The following ANO4 variants were observed in gnomAD, a reference collection of about 807,000 sequenced individuals.
ANO4 encodes the protein anoctamin 4.
Under a neutral mutation model 141.9 loss-of-function variants are expected in ANO4, and 69 were observed. The ratio of observed to expected loss-of-function variants is 0.49; its 90% CI spans 0.40 to 0.59. The LOEUF (loss-of-function observed/expected upper bound fraction) is 0.59. Among genes scored for constraint, ANO4 ranks in the 20% least tolerant of loss-of-function variants. ANO4 has a pLI of 0.00. For synonymous variants in ANO4, 350 were observed against 394.3 expected (o/e 0.89, Z 1.33); for missense variants, 894 against 1,162.2 (o/e 0.77, Z 3.36).
intron 3 of ANO4, among the ~76,000 whole-genome samples, chr12:100,781,349 G>A (rs756621257): frequency 2.6e-5 from 4 of 152,136 alleles, no homozygotes; most frequent in Admixed American, 1.3e-4. Context: ...TGTTTTGCTG[G>A]TTCTTGAGGT....
chr12:101,075,996 G>A (rs1434789428), intron 14 of ANO4, among the ~76,000 whole-genome samples: 1 of 152,006 alleles, frequency 6.6e-6, no homozygotes, highest in Non-Finnish European at 1.5e-5. Flanking sequence ...AAATGAATGG[G>A]CATTTCACCC....
In ANO4 at chr12:101,043,650, T is replaced by C. The variant is rs1388755675; in HGVS notation, c.1251+15T>C. 1 of 1,568,874 alleles carries C rather than the reference T, an allele frequency of 6.4e-7. No individual in the cohort carries two copies. The stretch of plus-strand genomic sequence containing the variant: ...TATATGCCAAGGTAATTTCAAACTG[T>C]AGCATTTTAGATGAATTGAATTTAA... On this transcript the variant is annotated intron_variant, in intron 13 of 27. Transcript: ENST00000392977.
chr12:100,860,921 G>A (rs1055264714), intron 1 of ANO4, among the ~76,000 whole-genome samples: 3 of 152,142 alleles, frequency 2.0e-5, no homozygotes, highest in African/African-American at 2.4e-5. Context: ...ATGGGGCCGC[G>A]GACCTTCGCG....
In ANO4 at chr12:100,855,999, A is replaced by T. The variant is rs531719424; in HGVS notation, c.-140-45647A>T. 1.6e-4 allele frequency among the ~76,000 whole-genome samples: 24 copies of T among 152,316 alleles called. No individual in the cohort carries two copies. The South Asian group carries it at 5.0e-3, about 32-fold the overall frequency. ...GAACTTGTATTTCAGCCAGGGATAG[A>T]GGAAGGGGTGGAGTTTCCCTGTACA... On this transcript the variant is annotated intron_variant, in intron 1 of 27. Transcript: ENST00000392977.
intron 2 of ANO4, among the ~76,000 whole-genome samples, chr12:100,919,639 A>C (rs1247487878): frequency 6.6e-6 from 1 of 150,472 alleles, no homozygotes; most frequent in Admixed American, 6.6e-5. Context: ...CCCATCCTTA[A>C]GTGAGACATG....
intron 1 of ANO4, among the ~76,000 whole-genome samples, chr12:100,723,758 C>T (rs1262593934): frequency 6.6e-6 from 1 of 152,124 alleles, no homozygotes; most frequent in Non-Finnish European, 1.5e-5. Flanking sequence ...AATCTAAAAT[C>T]TAAACCCAAT....
At chr12:100,899,291 A>G (rs1462357566) in intron 1 of ANO4, among the ~76,000 whole-genome samples, 1 of 152,174 alleles carries the variant, frequency 6.6e-6, no homozygotes, top group Admixed American at 6.5e-5. Flanking sequence ...GTGGAGGTAG[A>G]TGTGTGAAAG....
intron 2 of ANO4, among the ~76,000 whole-genome samples, chr12:100,918,109 T>C (rs866398928): frequency 5.3e-4 from 80 of 152,214 alleles, no homozygotes; most frequent in African/African-American, 1.8e-3. Flanking sequence ...GGCAGATCAC[T>C]TGTGGTCAAG....
intron 13 of ANO4, among the ~76,000 whole-genome samples, chr12:101,047,209 A>G (rs1440777953): frequency 6.6e-6 from 1 of 152,186 alleles, no homozygotes; most frequent in Non-Finnish European, 1.5e-5. Context: ...AGATTGCGCC[A>G]TTGCACTCCA....
chr12:101,031,186 A>G (rs1361923815), intron 9 of ANO4, among the ~76,000 whole-genome samples: 2 of 152,348 alleles, frequency 1.3e-5, no homozygotes, highest in East Asian at 1.9e-4. Context: ...AAAATCCTCA[A>G]TAAAATACTG....
At chr12:100,920,216 A>G (rs892500644) in intron 2 of ANO4, among the ~76,000 whole-genome samples, 1 of 152,096 alleles carries the variant, frequency 6.6e-6, no homozygotes, top group Non-Finnish European at 1.5e-5. Flanking sequence ...CTTATCTCCA[A>G]TAGCCTGTGT....
chr12:100,840,605 G>T (rs919809151), intron 1 of ANO4, among the ~76,000 whole-genome samples: 3 of 152,106 alleles, frequency 2.0e-5, no homozygotes, highest in Non-Finnish European at 4.4e-5. Context: ...TGTTTCAGAG[G>T]TTGGAATTAG....
intron 3 of ANO4, among the ~76,000 whole-genome samples, chr12:100,783,224 G>A (rs1433896010): frequency 6.6e-6 from 1 of 152,112 alleles, no homozygotes. Flanking sequence ...GACTGCAGTG[G>A]GGGCACTTCA....
At chr12:100,768,585 C>A (rs1379192681) in intron 3 of ANO4, among the ~76,000 whole-genome samples, 2 of 152,168 alleles carry the variant, frequency 1.3e-5, no homozygotes, top group African/African-American at 2.4e-5. Context: ...GGGTCAAGAA[C>A]TTTTTCTTAT....
intron 7 of ANO4, among the ~76,000 whole-genome samples, chr12:100,984,073 C>T (rs2044602444): frequency 6.6e-6 from 1 of 152,112 alleles, no homozygotes; most frequent in Non-Finnish European, 1.5e-5. Context: ...CTCCAGCCCC[C>T]ATGCCCAACC....
chr12:101,104,589 A>ATG (rs536019013), intron 22 of ANO4, among the ~76,000 whole-genome samples: 1 of 124,666 alleles, frequency 8.0e-6, no homozygotes, highest in African/African-American at 3.3e-5. Context: ...TTGATAATAT[A>ATG]TATATGTGTG....
chr12:100,952,302 CTTTG>C (rs992942710), intron 5 of ANO4, among the ~76,000 whole-genome samples: 16 of 152,144 alleles, frequency 1.1e-4, no homozygotes, highest in East Asian at 7.7e-4. Context: ...GCCTTAGTTT[CTTTG>C]TTTGTTAAGT....
intron 1 of ANO4, among the ~76,000 whole-genome samples, chr12:100,835,046 G>A (rs183100483): frequency 2.0e-5 from 3 of 152,240 alleles, no homozygotes; most frequent in African/African-American, 7.2e-5. Flanking sequence ...ACAAGATGTG[G>A]CCTCTGCTTC....
At chr12:101,123,279 A>G (rs2051168038) in intron 26 of ANO4, among the ~76,000 whole-genome samples, 2 of 152,156 alleles carry the variant, frequency 1.3e-5, no homozygotes, top group Admixed American at 1.3e-4. Flanking sequence ...ACTGTCTTAA[A>G]ATTTTTCAGA....
Sources: allele counts gnomAD v4.1 joint callset (sites outside exome capture counted in the v4.1 genomes callset), GRCh38; gene constraint gnomAD v4.1.1; transcripts MANE v1.5; gene names NCBI Gene and HGNC (gene_info 2026-07-23, HGNC 2026-07-21).